Variants in PGM2L1 observed in about 807,000 individuals in gnomAD.
The protein encoded by PGM2L1 is phosphoglucomutase 2 like 1.
In PGM2L1, 35 loss-of-function variants were observed where a neutral mutation model predicts 73.4. The observed-to-expected ratio is 0.48, with a 90% CI of 0.36 to 0.63. The LOEUF (loss-of-function observed/expected upper bound fraction) is 0.63, where lower values mean the gene tolerates loss of function less well. PGM2L1 is among the 30% of genes least tolerant of loss of function. The pLI is 0.00. For synonymous variants in PGM2L1, 225 were observed against 253.8 expected, an observed-to-expected ratio of 0.89 and a Z score of 1.08; for missense variants, 570 against 742.0, an observed-to-expected ratio of 0.77 and a Z score of 2.69.
At chr11:74,354,043 T>C (rs1862403703) in intron 5 of PGM2L1, among the ~76,000 whole-genome samples, 1 of 151,996 alleles carries the variant, frequency 6.6e-6, no homozygotes, top group South Asian at 2.1e-4. Flanking sequence ...TGTCCCCTTC[T>C]CCTTGCCTTG....
At chr11:74,345,319 T>C in intron 9 of PGM2L1, 150 bp downstream of exon 9, 1 of 809,234 alleles carries the variant, frequency 1.2e-6, no homozygotes, top group Non-Finnish European at 1.9e-6. Context: ...GGTGTCTAAA[T>C]TATCAAAAGA....
intron 1 of PGM2L1, among the ~76,000 whole-genome samples, chr11:74,388,516 A>C (rs11236093): frequency 0.21 from 31,175 of 152,014 alleles, 3,535 homozygotes; most frequent in East Asian, 0.3. Context: ...ACCTATATAA[A>C]TAATGAAATA....
chr11:74,363,520 A>G (rs1174003554), intron 5 of PGM2L1, among the ~76,000 whole-genome samples: 1 of 152,202 alleles, frequency 6.6e-6, no homozygotes, highest in Non-Finnish European at 1.5e-5. Flanking sequence ...TGGACACAAT[A>G]AAAAATGATA....
Position 74,388,572 on chromosome 11 carries a change from A to T in PGM2L1, c.111+9479T>A, listed in dbSNP as rs1238594454. Reference sequence around the variant, plus strand: ...GAAAAAATTCTGAAGCAGAAACACAACATAAAACCATTACTTACGTTAAAG... The same window carrying T: ...GAAAAAATTCTGAAGCAGAAACACATCATAAAACCATTACTTACGTTAAAG... On this transcript the variant is annotated intron_variant, in intron 1 of 13. Transcript: ENST00000298198. 2.0e-5 allele frequency among the ~76,000 whole-genome samples: 3 copies of T among 152,360 alleles called. No homozygotes were observed. The East Asian group carries it at 5.8e-4, about 29-fold the overall frequency.
At chr11:74,347,018 C>T in intron 7 of PGM2L1, 130 bp downstream of exon 7, 1 of 978,992 alleles carries the variant, frequency 1.0e-6, no homozygotes, top group Admixed American at 2.9e-5. Context: ...CCTATTATTA[C>T]TCCAATACAA....
rs1016848297 is a variant in PGM2L1, at chr11:74,347,301, G to A, written c.786C>T (p.His262=). ...CATGTCCGACCCCATGAAAAGATGT[G>A]TGCACAAATTTCAAGGTGGTCTTCG... The part of the protein sequence containing the change: ...LNSKTTLKFV[H]TSFHGVGHDY... Residue 262 remains histidine (H), a synonymous_variant, in exon 7 of 14, where the codon CAC becomes CAT. Transcript: ENST00000298198. 3 of 1,604,050 alleles carry A rather than the reference G, an allele frequency of 1.9e-6. No homozygotes were observed. The African/African-American group carries it at 4.0e-5, about 22-fold the overall frequency.
chr11:74,363,859 T>A (rs943042669), intron 5 of PGM2L1, among the ~76,000 whole-genome samples: 1 of 152,224 alleles, frequency 6.6e-6, no homozygotes, highest in African/African-American at 2.4e-5. Flanking sequence ...CTAACTCATT[T>A]GATGAGGCCA....
In PGM2L1 at chr11:74,355,196, T is replaced by C. The variant is rs550054561; in HGVS notation, c.556-3620A>G. 128 of 1,436,214 alleles carry C rather than the reference T, an allele frequency of 8.9e-5. No homozygotes were observed. The African/African-American group carries it at 1.6e-3, about 18-fold the overall frequency. 89.0% of individuals were successfully genotyped at this position (1,436,214 alleles called of 1,614,324 possible). ...ATGGCTATAACAGATTTGGTAATGATGGAAGCAATTTTGGAGGTGGTGGAA... is the reference window on the plus strand; with the variant it reads ...ATGGCTATAACAGATTTGGTAATGACGGAAGCAATTTTGGAGGTGGTGGAA... On this transcript the variant is annotated intron_variant, in intron 5 of 13. Transcript: ENST00000298198.
chr11:74,390,806 A>G (rs1675678898), intron 1 of PGM2L1, among the ~76,000 whole-genome samples: 3 of 152,238 alleles, frequency 2.0e-5, no homozygotes, highest in African/African-American at 7.2e-5. Flanking sequence ...TGTCTTCAAC[A>G]TGGATGAACT....
At chr11:74,357,133 G>A (rs1862470747) in intron 5 of PGM2L1, among the ~76,000 whole-genome samples, 1 of 152,096 alleles carries the variant, frequency 6.6e-6, no homozygotes, top group Non-Finnish European at 1.5e-5. Flanking sequence ...ACAGGTGTGA[G>A]CCACCGTGCC....
intron 5 of PGM2L1, among the ~76,000 whole-genome samples, chr11:74,359,102 G>C (rs1385271722): frequency 6.6e-6 from 1 of 151,966 alleles, no homozygotes; most frequent in South Asian, 2.1e-4. Context: ...TCATTCATAT[G>C]TGTATATATT....
At chr11:74,343,646 C>A (rs1170962652) in intron 9 of PGM2L1, among the ~76,000 whole-genome samples, 1 of 151,960 alleles carries the variant, frequency 6.6e-6, no homozygotes, top group African/African-American at 2.4e-5. Flanking sequence ...TGATTTACAC[C>A]AAATATAAAC....
At position 74,398,224 on chromosome 11, in the gene PGM2L1, C is replaced by T. The variant is rs1362630583; in HGVS notation, c.-63G>A. The T allele has an allele frequency of 1.9e-6, 3 of 1,542,704 alleles. No individual in the cohort carries two copies. The highest frequency in any genetic ancestry group is 1.7e-4 in the Middle Eastern group (1 of 5,772). ...GACACTGAGTTGGGGTGGGGGGTGG[C>T]TTGGGGTTCGCTCACCAGGGTCCAG... On this transcript the variant is annotated 5_prime_UTR_variant, in exon 1 of 14. Transcript: ENST00000298198.
intron 1 of PGM2L1, chr11:74,397,745 ATT>A (rs71065081): frequency 1.9e-3 from 288 of 149,984 alleles, no homozygotes; most frequent in East Asian, 8.2e-3. Flanking sequence ...AATGATGATG[ATT>A]TTTTTTTTTT....
chr11:74,389,604 C>T (rs962292850), intron 1 of PGM2L1, among the ~76,000 whole-genome samples: 8 of 151,394 alleles, frequency 5.3e-5, no homozygotes, highest in African/African-American at 1.7e-4. Context: ...AGTGCCATCA[C>T]GCCCAGCTAA....
Position 74,347,188 on chromosome 11 carries a change from G to T in PGM2L1, c.899C>A (p.Thr300Asn), listed in dbSNP as rs868649027. The T allele has an allele frequency of 1.1e-5, 17 of 1,604,478 alleles. No individual in the cohort carries two copies. Among genetic ancestry groups the T allele is most frequent in the East Asian group, 2.2e-5 (1 of 44,590 alleles). The change falls in exon 7 of 14, where the codon ACC becomes AAC. Residue 300 changes from threonine to asparagine, a missense_variant. Coordinates refer to ENST00000298198, the MANE Select transcript of PGM2L1 (RefSeq NM_173582.6). ...EQKDPDPDFSTVKCPNPEEGE... is the reference protein window; with the variant it reads ...EQKDPDPDFSNVKCPNPEEGE... ...TTCTTCAGGATTTGGACATTTAACG[G>T]TAGAAAAGTCTGGATCAGGATCTTT...
chr11:74,397,827 A>G (rs1395333806), intron 1 of PGM2L1: 2 of 499,904 alleles, frequency 4.0e-6, no homozygotes, highest in African/African-American at 2.0e-5. Context: ...GGAGGTTACA[A>G]TTGAGAGCAC....
chr11:74,398,254 C>T lies in PGM2L1; in HGVS notation c.-93G>A. 6.8e-7 allele frequency: 1 copy of T among 1,463,748 alleles called. No homozygotes were observed. Among genetic ancestry groups the T allele is most frequent in the Non-Finnish European group, 9.0e-7 (1 of 1,105,844 alleles). The allele number at this position is 1,463,748 out of a possible 1,614,324, so 90.7% of individuals were successfully genotyped here. On this transcript the variant is annotated 5_prime_UTR_variant, in exon 1 of 14. Transcript: ENST00000298198. ...GGTTCGCTCACCAGGGTCCAGGCGTCCCCACCTCACTGAAGGGCATCGGAG... is the reference window on the plus strand; with the variant it reads ...GGTTCGCTCACCAGGGTCCAGGCGTTCCCACCTCACTGAAGGGCATCGGAG...
At chr11:74,360,813 A>G (rs1862550838) in intron 5 of PGM2L1, among the ~76,000 whole-genome samples, 1 of 152,194 alleles carries the variant, frequency 6.6e-6, no homozygotes, top group Non-Finnish European at 1.5e-5. Context: ...TTAGCACAGC[A>G]GTCTGAGATA....
Sources: allele counts gnomAD v4.1 joint callset (sites outside exome capture counted in the v4.1 genomes callset), GRCh38; gene constraint gnomAD v4.1.1; transcripts MANE v1.5; gene names NCBI Gene and HGNC (gene_info 2026-07-23, HGNC 2026-07-21).